TRIO: variants seen among roughly 807,000 people sequenced by gnomAD.
TRIO encodes the protein trio Rho guanine nucleotide exchange factor.
In TRIO, 58 loss-of-function variants were observed where a neutral mutation model predicts 351.9. That is an observed-to-expected ratio of 0.16 (90% CI 0.13 to 0.21). The LOEUF (loss-of-function observed/expected upper bound fraction) is 0.21. TRIO is among the 10% of genes least tolerant of loss of function. The pLI, the probability that TRIO is intolerant of heterozygous loss-of-function variation, is 1.00. For missense variants in TRIO, 3,201 were observed against 4,027.8 expected, an observed-to-expected ratio of 0.79 and a Z score of 5.56; for synonymous variants, 1,758 against 1,595.7, an observed-to-expected ratio of 1.10 and a Z score of -2.42.
chr5:14,290,617 T>G (rs1736824183), intron 4 of TRIO, 99 bp from the exon 5 acceptor site: 2 of 1,273,642 alleles, frequency 1.6e-6, no homozygotes, highest in African/African-American at 3.0e-5. Flanking sequence ...ATAGATTACT[T>G]TAACTTTGAA....
chr5:14,486,196 C>T (rs1036888653), intron 47 of TRIO, among the ~76,000 whole-genome samples: 6 of 152,172 alleles, frequency 3.9e-5, no homozygotes, highest in Admixed American at 2.6e-4. Context: ...AGCTATGTGC[C>T]CATGTCATCT....
At chr5:14,167,776 G>A (rs1788858084) in intron 1 of TRIO, among the ~76,000 whole-genome samples, 1 of 152,172 alleles carries the variant, frequency 6.6e-6, no homozygotes, top group Non-Finnish European at 1.5e-5. Flanking sequence ...GGTTCTGGGT[G>A]GATGCACCAT....
intron 1 of TRIO, among the ~76,000 whole-genome samples, chr5:14,239,537 C>T (rs1352859213): frequency 6.6e-6 from 1 of 152,208 alleles, no homozygotes; most frequent in African/African-American, 2.4e-5. Context: ...CCACTGGGTA[C>T]TGATTCCCTG....
rs545488378 is a variant in TRIO, at chr5:14,284,884, C to A, written c.348-1987C>A. On this transcript the variant is annotated intron_variant, in intron 3 of 56. Coordinates refer to ENST00000344204, the MANE Select transcript of TRIO (RefSeq NM_007118.4). ...GAATGCCTTACTGGGCAGCAGGCTT[C>A]CTTTGCAGAGCTCTTGGCCTCCGGG... Among the ~76,000 whole-genome samples, 100 of 152,280 alleles carry A rather than the reference C, an allele frequency of 6.6e-4. 1 individual carries two copies. Among genetic ancestry groups the A allele is most frequent in the African/African-American group, 2.3e-3 (97 of 41,556 alleles).
chr5:14,196,617 C>T (rs1790787493), intron 1 of TRIO, among the ~76,000 whole-genome samples: 1 of 152,058 alleles, frequency 6.6e-6, no homozygotes, highest in African/African-American at 2.4e-5. Context: ...CCTTCAGAAG[C>T]TGGGAAGTCA....
At chr5:14,298,791 T>A (rs372450952) in intron 7 of TRIO, among the ~76,000 whole-genome samples, 1 of 152,342 alleles carries the variant, frequency 6.6e-6, no homozygotes, top group South Asian at 2.1e-4. Context: ...ACTTTCTAAC[T>A]TTTTGCATTT....
At chr5:14,257,249 C>G (rs1795075627) in intron 1 of TRIO, among the ~76,000 whole-genome samples, 1 of 152,204 alleles carries the variant, frequency 6.6e-6, no homozygotes, top group Non-Finnish European at 1.5e-5. Context: ...CCAGGGGCCA[C>G]TAGCAAGGGT....
At chr5:14,256,029 A>G (rs1203826973) in intron 1 of TRIO, among the ~76,000 whole-genome samples, 2 of 152,242 alleles carry the variant, frequency 1.3e-5, no homozygotes, top group African/African-American at 2.4e-5. Context: ...TTTTGTTGCT[A>G]TAAAGAAATA....
intron 24 of TRIO, 117 bp downstream of exon 24, chr5:14,388,796 T>G (rs1025943989): frequency 4.9e-6 from 6 of 1,231,942 alleles, no homozygotes; most frequent in Non-Finnish European, 6.7e-6. Flanking sequence ...TCTGTCATTT[T>G]TTTAAATGTA....
chr5:14,159,688 G>A (rs1006732917), intron 1 of TRIO, among the ~76,000 whole-genome samples: 2 of 151,464 alleles, frequency 1.3e-5, no homozygotes, highest in Admixed American at 6.6e-5. Context: ...TCAGCCTCCC[G>A]AATAGCTGGG....
chr5:14,461,309 G>A lies in TRIO; in HGVS notation c.5494G>A (p.Glu1832Lys). 1 of 1,568,584 alleles carries A rather than the reference G, an allele frequency of 6.4e-7. No individual in the cohort carries two copies. The highest frequency in any genetic ancestry group is 8.6e-7 in the Non-Finnish European group (1 of 1,157,018). The change falls in exon 35 of 57, where the codon GAG (glutamate) becomes AAG (lysine). Residue 1832 changes from glutamate (E) to lysine (K), a missense_variant and splice_region_variant. Glu to Lys is a moderately conservative substitution (Grantham distance 56, BLOSUM62 1). This residue lies in a region of TRIO where 193 missense variants were observed against 218.8 expected (regional missense o/e 0.88). Coordinates refer to ENST00000344204, the MANE Select transcript of TRIO (RefSeq NM_007118.4). ...AATPQDETVE[E>K]RGRNEGLSSG... ...CACCCCGCAGGACGAGACGGTCGAGGAGGTGAGGCTCTGCCCGCTGGTTGG... is the reference window on the plus strand; with the variant it reads ...CACCCCGCAGGACGAGACGGTCGAGAAGGTGAGGCTCTGCCCGCTGGTTGG...
intron 1 of TRIO, among the ~76,000 whole-genome samples, chr5:14,235,065 C>T (rs2152227046): frequency 6.6e-6 from 1 of 152,234 alleles, no homozygotes; most frequent in South Asian, 2.1e-4. Context: ...AACATTTGTT[C>T]TCTTTGAGGA....
At chr5:14,263,920 T>C (rs1048953099) in intron 1 of TRIO, among the ~76,000 whole-genome samples, 3 of 152,224 alleles carry the variant, frequency 2.0e-5, no homozygotes, top group Admixed American at 6.5e-5. Flanking sequence ...TCTCTGTGCA[T>C]AGCTCTGTGC....
intron 55 of TRIO, 127 bp downstream of exon 55, chr5:14,504,720 T>A: frequency 1.7e-6 from 2 of 1,192,970 alleles, no homozygotes; most frequent in Non-Finnish European, 2.3e-6. Flanking sequence ...CTAAAAAACA[T>A]CTTCACTGTC....
chr5:14,190,140 G>T (rs1177619381), intron 1 of TRIO, among the ~76,000 whole-genome samples: 1 of 152,184 alleles, frequency 6.6e-6, no homozygotes, highest in Non-Finnish European at 1.5e-5. Flanking sequence ...GTTCCATCTA[G>T]TAGAGGCTAC....
chr5:14,388,750 A>G (rs1172449037), intron 24 of TRIO, 71 bp downstream of exon 24: 1 of 1,439,352 alleles, frequency 6.9e-7, no homozygotes, highest in Admixed American at 2.4e-5. Flanking sequence ...TTTTATTCTT[A>G]CCTGTTGGTA....
chr5:14,500,050 C>CAAA (rs35276206), intron 53 of TRIO, among the ~76,000 whole-genome samples: 2 of 91,092 alleles, frequency 2.2e-5, no homozygotes, highest in African/African-American at 8.8e-5. Flanking sequence ...GACTCTGTCT[C>CAAA]AAAAAAAAAA....
chr5:14,237,004 A>C (rs1306898424), intron 1 of TRIO, among the ~76,000 whole-genome samples: 1 of 152,182 alleles, frequency 6.6e-6, no homozygotes, highest in Non-Finnish European at 1.5e-5. Context: ...GCACCTTTGT[A>C]AGCCGCTGAG....
chr5:14,386,132 G>A (rs574395847), intron 21 of TRIO, among the ~76,000 whole-genome samples: 1 of 152,344 alleles, frequency 6.6e-6, no homozygotes, highest in East Asian at 1.9e-4. Flanking sequence ...AGGGAGGCAA[G>A]CTGCAGTTTA....
Sources: allele counts gnomAD v4.1 joint callset (sites outside exome capture counted in the v4.1 genomes callset), GRCh38; gene constraint gnomAD v4.1.1; regional missense constraint gnomAD v4.1.1; transcripts MANE v1.5; gene names NCBI Gene and HGNC (gene_info 2026-07-23, HGNC 2026-07-21).